Variants in NEK11 observed in about 807,000 individuals in gnomAD.
NEK11 encodes the protein NIMA related kinase 11.
In NEK11, 72 loss-of-function variants were observed where a neutral mutation model predicts 80.7. That is an observed-to-expected ratio of 0.89 (90% CI 0.74 to 1.08). The LOEUF (loss-of-function observed/expected upper bound fraction) is 1.08. NEK11 is among the 50% of genes least tolerant of loss of function. The pLI, the probability that NEK11 is intolerant of heterozygous loss-of-function variation, is 0.00. For missense variants in NEK11, 764 were observed against 763.6 expected, an observed-to-expected ratio of 1.00 and a Z score of -0.01; for synonymous variants, 251 against 260.7, an observed-to-expected ratio of 0.96 and a Z score of 0.36.
chr3:131,279,522 G>A (rs572071560), intron 17 of NEK11, among the ~76,000 whole-genome samples: 6 of 152,130 alleles, frequency 3.9e-5, no homozygotes, highest in Admixed American at 6.5e-5. Flanking sequence ...GCAAATAGTC[G>A]TATAATTATC....
At chr3:131,330,309 A>ATAAT (rs2097055062) in intron 17 of NEK11, 1 of 152,224 alleles carries the variant, frequency 6.6e-6, no homozygotes, top group African/African-American at 2.4e-5. Flanking sequence ...AATAATTCTA[A>ATAAT]GATTATTACC....
At chr3:131,181,581 C>T (rs2150170978) in intron 14 of NEK11, among the ~76,000 whole-genome samples, 1 of 151,934 alleles carries the variant, frequency 6.6e-6, no homozygotes, top group Non-Finnish European at 1.5e-5. Context: ...CCCATCTCTA[C>T]TAAAAATACA....
At chr3:131,160,669 T>C (rs1388823853) in intron 10 of NEK11, among the ~76,000 whole-genome samples, 1 of 152,180 alleles carries the variant, frequency 6.6e-6, no homozygotes, top group African/African-American at 2.4e-5. Flanking sequence ...AACTATATGC[T>C]GTCTTTGAGA....
At chr3:131,306,997 G>T (rs1487753418) in intron 17 of NEK11, among the ~76,000 whole-genome samples, 1 of 152,072 alleles carries the variant, frequency 6.6e-6, no homozygotes, top group Non-Finnish European at 1.5e-5. Context: ...CAATCTTGGG[G>T]GCAGAGGTTT....
chr3:131,348,278 C>T (rs189225185), intron 17 of NEK11, among the ~76,000 whole-genome samples: 1 of 152,122 alleles, frequency 6.6e-6, no homozygotes, highest in East Asian at 1.9e-4. Context: ...AAAAAAAGCT[C>T]ATTGTTTGGT....
At chr3:131,313,081 G>A (rs1041825196) in intron 17 of NEK11, among the ~76,000 whole-genome samples, 35 of 152,104 alleles carry the variant, frequency 2.3e-4, no homozygotes, top group African/African-American at 7.5e-4. Flanking sequence ...GTGACATTTG[G>A]TTTTCTATTA....
intron 17 of NEK11, among the ~76,000 whole-genome samples, chr3:131,326,779 C>A (rs1159643655): frequency 2.0e-5 from 3 of 152,200 alleles, no homozygotes; most frequent in African/African-American, 7.2e-5. Context: ...TCTGCTAGGT[C>A]ATGCTCTGTG....
intron 14 of NEK11, chr3:131,184,710 A>G (rs956616183): frequency 2.5e-6 from 3 of 1,206,026 alleles, no homozygotes; most frequent in Non-Finnish European, 1.1e-6. Flanking sequence ...AGGAGACTGT[A>G]ATCTAATTTC....
chr3:131,294,554 G>C (rs1335001070), intron 17 of NEK11, among the ~76,000 whole-genome samples: 7 of 151,954 alleles, frequency 4.6e-5, no homozygotes, highest in African/African-American at 1.2e-4. Flanking sequence ...GAAGTAGTCT[G>C]TAGATGTCAG....
intron 14 of NEK11, among the ~76,000 whole-genome samples, chr3:131,227,482 T>C (rs1188916705): frequency 1.3e-5 from 2 of 152,152 alleles, no homozygotes; most frequent in African/African-American, 4.8e-5. Context: ...TGAGTTTAAG[T>C]CTCTTGCACA....
chr3:131,282,959 C>T (rs1275402615), intron 17 of NEK11, among the ~76,000 whole-genome samples: 1 of 152,180 alleles, frequency 6.6e-6, no homozygotes, highest in Non-Finnish European at 1.5e-5. Context: ...TCAATGCATG[C>T]CTCCTTTGTG....
chr3:131,226,228 A>C (rs2095190404), intron 14 of NEK11, among the ~76,000 whole-genome samples: 1 of 152,176 alleles, frequency 6.6e-6, no homozygotes. Context: ...ACATGTCCCT[A>C]CTTGATGGCA....
rs765771697 is a variant in NEK11, at chr3:131,152,406, G to A, written c.666G>A (p.Leu222=). The A allele has an allele frequency of 5.6e-6, 9 of 1,605,418 alleles. No individual in the cohort carries two copies. The highest frequency in any genetic ancestry group is 7.6e-6 in the Non-Finnish European group (9 of 1,177,196). Residue 222 remains leucine (L), a synonymous_variant, in exon 8 of 18, where the codon TTG becomes TTA. Coordinates refer to ENST00000383366, the MANE Select transcript of NEK11 (RefSeq NM_024800.5). The stretch of plus-strand genomic sequence containing the variant: ...TCTTCAGGTCACTGGCATGCATTTT[G>A]TATGAGATGTGCTGCATGAATCATG... The part of the protein sequence containing the change: ...KSDIWSLACI[L]YEMCCMNHAF...
chr3:131,244,074 C>T (rs938808117), intron 16 of NEK11, among the ~76,000 whole-genome samples: 16 of 151,730 alleles, frequency 1.1e-4, no homozygotes, highest in African/African-American at 2.9e-4. Context: ...ACAGAGTATT[C>T]TTACTAGATG....
intron 15 of NEK11, among the ~76,000 whole-genome samples, chr3:131,234,075 G>A (rs551445582): frequency 3.9e-5 from 6 of 152,206 alleles, no homozygotes; most frequent in Non-Finnish European, 8.8e-5. Context: ...AGGTGCAAGG[G>A]AATAGCTGCA....
At chr3:131,186,848 C>A (rs1215107493) in intron 14 of NEK11, among the ~76,000 whole-genome samples, 1 of 152,092 alleles carries the variant, frequency 6.6e-6, no homozygotes, top group Non-Finnish European at 1.5e-5. Flanking sequence ...TTAATGTAAT[C>A]CTCTGCTTTG....
At chr3:131,053,137 A>G (rs972114835) in intron 3 of NEK11, among the ~76,000 whole-genome samples, 1 of 152,196 alleles carries the variant, frequency 6.6e-6, no homozygotes, top group Admixed American at 6.5e-5. Flanking sequence ...TGATATTTAC[A>G]TTTACAAAAG....
intron 14 of NEK11, among the ~76,000 whole-genome samples, chr3:131,203,767 GTATATATATA>G (rs150951735): frequency 0.012 from 661 of 53,126 alleles, 2 homozygotes; most frequent in East Asian, 0.029. Flanking sequence ...GTGTGTGTGT[GTATATATATA>G]TATATATATA....
intron 3 of NEK11, among the ~76,000 whole-genome samples, chr3:131,049,367 C>T (rs887095846): frequency 3.9e-5 from 6 of 152,170 alleles, no homozygotes; most frequent in Non-Finnish European, 7.3e-5. Context: ...TCCTGTGAAA[C>T]AGCAGTAGTT....
Sources: allele counts gnomAD v4.1 joint callset (sites outside exome capture counted in the v4.1 genomes callset), GRCh38; gene constraint gnomAD v4.1.1; transcripts MANE v1.5; gene names NCBI Gene and HGNC (gene_info 2026-07-23, HGNC 2026-07-21).